The following ATXN7L1 variants were observed in gnomAD, a reference collection of about 807,000 sequenced individuals.
ATXN7L1 encodes the protein ataxin 7 like 1, also known as ataxin-7-like protein 1.
ATXN7L1 carries 15 observed loss-of-function variants against 70.8 expected under a neutral mutation model. The ratio of observed to expected loss-of-function variants is 0.21; its 90% CI spans 0.14 to 0.33. ATXN7L1 has a LOEUF of 0.33. ATXN7L1 is among the 10% of genes least tolerant of loss of function. The probability of loss-of-function intolerance (pLI) is 1.00; values close to 1 mark genes in which losing one functional copy is unlikely to be tolerated. For missense variants in ATXN7L1, 975 were observed against 1,097.1 expected (o/e 0.89, Z 1.57); for synonymous variants, 440 against 445.1 (o/e 0.99, Z 0.14).
intron 2 of ATXN7L1, among the ~76,000 whole-genome samples, chr7:105,867,713 GATATTGGCAGA>G (rs1817685755): frequency 6.6e-6 from 1 of 152,252 alleles, no homozygotes; most frequent in Non-Finnish European, 1.5e-5. Context: ...CACATGGACA[GATATTGGCAGA>G]ATATTTCTGT....
chr7:105,700,520 A>G (rs941639162), intron 3 of ATXN7L1, among the ~76,000 whole-genome samples: 5 of 150,952 alleles, frequency 3.3e-5, no homozygotes, highest in African/African-American at 9.7e-5. Flanking sequence ...AAAAAAAAAA[A>G]AAAAAAAAAA....
intron 7 of ATXN7L1, among the ~76,000 whole-genome samples, chr7:105,629,277 AC>A (rs1359019514): frequency 2.0e-5 from 3 of 151,614 alleles, no homozygotes; most frequent in Non-Finnish European, 4.4e-5. Flanking sequence ...ATTTCTCCCA[AC>A]CCTTAGCCTC....
intron 3 of ATXN7L1, among the ~76,000 whole-genome samples, chr7:105,758,927 T>C (rs1800150810): frequency 6.6e-6 from 1 of 152,186 alleles, no homozygotes; most frequent in South Asian, 2.1e-4. Flanking sequence ...GGCACGATTC[T>C]GTCTTTACAT....
intron 2 of ATXN7L1, among the ~76,000 whole-genome samples, chr7:105,867,285 C>T (rs1817628766): frequency 6.6e-6 from 1 of 152,204 alleles, no homozygotes; most frequent in Non-Finnish European, 1.5e-5. Context: ...CAGACATATC[C>T]CGTGGGTAAT....
chr7:105,769,924 C>T (rs763470031), intron 3 of ATXN7L1, among the ~76,000 whole-genome samples: 24 of 152,200 alleles, frequency 1.6e-4, no homozygotes, highest in Admixed American at 8.5e-4. Context: ...TTGCCAGTGG[C>T]GTTCTGCCAC....
chr7:105,802,058 A>G (rs777101777), intron 2 of ATXN7L1, among the ~76,000 whole-genome samples: 1 of 152,172 alleles, frequency 6.6e-6, no homozygotes, highest in Non-Finnish European at 1.5e-5. Flanking sequence ...CTAGCATTTT[A>G]ATCTGCATAG....
intron 2 of ATXN7L1, among the ~76,000 whole-genome samples, chr7:105,839,667 A>G (rs1812913892): frequency 6.6e-6 from 1 of 152,226 alleles, no homozygotes; most frequent in Non-Finnish European, 1.5e-5. Context: ...CCTTAGGTCC[A>G]GCCTCATATG....
intron 2 of ATXN7L1, among the ~76,000 whole-genome samples, chr7:105,822,082 G>A (rs1018396030): frequency 6.6e-6 from 1 of 152,174 alleles, no homozygotes; most frequent in African/African-American, 2.4e-5. Context: ...TGGACACACT[G>A]AAATTCTTCA....
At chr7:105,747,818 T>C (rs2116377624) in intron 3 of ATXN7L1, among the ~76,000 whole-genome samples, 1 of 152,268 alleles carries the variant, frequency 6.6e-6, no homozygotes, top group South Asian at 2.1e-4. Flanking sequence ...CCAACATGTT[T>C]GGTCTTAGAA....
intron 3 of ATXN7L1, among the ~76,000 whole-genome samples, chr7:105,703,603 G>A (rs1190108699): frequency 1.3e-5 from 2 of 152,212 alleles, no homozygotes; most frequent in East Asian, 3.8e-4. Flanking sequence ...CGGTATTCAA[G>A]GTATGTAGCC....
At chr7:105,729,789 G>A (rs548029507) in intron 3 of ATXN7L1, among the ~76,000 whole-genome samples, 1 of 149,944 alleles carries the variant, frequency 6.7e-6, no homozygotes, top group Admixed American at 6.6e-5. Flanking sequence ...CCAGGCTGGG[G>A]TGCAGTGGTG....
Position 105,665,049 on chromosome 7 carries a change from C to A in ATXN7L1, c.578+17G>T, listed in dbSNP as rs1392545681. On this transcript the variant is annotated intron_variant, in intron 4 of 11. Transcript: ENST00000419735. ...AGGGGGGACAGACAGCAGCTGGCTG[C>A]CAGCCAGCTGACTCACCATGGTTTA... The A allele has an allele frequency of 1.5e-5, 23 of 1,538,318 alleles. No homozygotes were observed. The highest frequency in any genetic ancestry group is 1.9e-5 in the Non-Finnish European group (22 of 1,136,476).
chr7:105,848,731 T>C (rs1391256225), intron 2 of ATXN7L1, among the ~76,000 whole-genome samples: 2 of 152,198 alleles, frequency 1.3e-5, no homozygotes, highest in Non-Finnish European at 2.9e-5. Flanking sequence ...CACTTTTGCA[T>C]GAAGAAAAAG....
chr7:105,665,436 G>T, intron 3 of ATXN7L1, 148 bp from the exon 4 acceptor site: 1 of 647,516 alleles, frequency 1.5e-6, no homozygotes. Context: ...CTGATGAGAC[G>T]ATTTGTCTTG....
intron 3 of ATXN7L1, among the ~76,000 whole-genome samples, chr7:105,746,695 C>T (rs897237210): frequency 6.6e-6 from 1 of 152,168 alleles, no homozygotes; most frequent in East Asian, 1.9e-4. Context: ...CTGTGAATCC[C>T]AGCCACTGCT....
At chr7:105,630,820 T>C (rs930162965) in intron 7 of ATXN7L1, among the ~76,000 whole-genome samples, 1 of 151,838 alleles carries the variant, frequency 6.6e-6, no homozygotes, top group Non-Finnish European at 1.5e-5. Context: ...GGGCAGGAGG[T>C]ATATAGGAAA....
Position 105,787,453 on chromosome 7 carries a change from A to AT in ATXN7L1, c.355+1150dup, listed in dbSNP as rs572683992. 7.9e-5 allele frequency among the ~76,000 whole-genome samples: 12 copies of AT among 152,314 alleles called. No individual in the cohort carries two copies. The South Asian group carries it at 2.5e-3, about 32-fold the overall frequency. On this transcript the variant is annotated intron_variant, in intron 3 of 11. Coordinates refer to ENST00000419735, the MANE Select transcript of ATXN7L1 (RefSeq NM_020725.2). ...TGCTCCGTAAGCCTGAATTCTACAC[A>AT]TTACAAACACAAAATATGCCTACAG...
At chr7:105,705,046 A>G (rs988148873) in intron 3 of ATXN7L1, among the ~76,000 whole-genome samples, 11 of 149,580 alleles carry the variant, frequency 7.4e-5, no homozygotes, top group African/African-American at 2.7e-4. Flanking sequence ...TTATTTTGAG[A>G]CGGAGTCTTG....
At chr7:105,860,453 C>T (rs143204448) in intron 2 of ATXN7L1, among the ~76,000 whole-genome samples, 90 of 152,264 alleles carry the variant, frequency 5.9e-4, no homozygotes, top group African/African-American at 2.0e-3. Context: ...TGCATTGTAG[C>T]TCCAGCTATC....
Sources: allele counts gnomAD v4.1 joint callset (sites outside exome capture counted in the v4.1 genomes callset), GRCh38; gene constraint gnomAD v4.1.1; transcripts MANE v1.5; gene names NCBI Gene and HGNC (gene_info 2026-07-23, HGNC 2026-07-21).